Variants in RAD23B observed in about 807,000 individuals in gnomAD.
RAD23B encodes the protein RAD23 nucleotide excision repair protein B, also known as lysine-specific demethylase RAD23B.
Under a neutral mutation model 49.1 loss-of-function variants are expected in RAD23B, and 5 were observed. The ratio of observed to expected loss-of-function variants is 0.10; its 90% CI spans 0.05 to 0.21. RAD23B has a LOEUF of 0.21. Among genes scored for constraint, RAD23B ranks in the 10% least tolerant of loss-of-function variants. RAD23B has a pLI of 1.00. For synonymous variants in RAD23B, 184 were observed against 165.4 expected, an observed-to-expected ratio of 1.11 and a Z score of -0.86; for missense variants, 356 against 486.7, an observed-to-expected ratio of 0.73 and a Z score of 2.53.
chr9:107,322,673 C>A (rs1050925545), intron 7 of RAD23B, among the ~76,000 whole-genome samples: 1 of 152,204 alleles, frequency 6.6e-6, no homozygotes, highest in South Asian at 2.1e-4. Context: ...TTAGGAATTA[C>A]GCAGTGTTCT....
chr9:107,324,743 C>G (rs1224782286), intron 8 of RAD23B, 91 bp from the exon 9 acceptor site: 1 of 1,287,334 alleles, frequency 7.8e-7, no homozygotes, highest in African/African-American at 1.5e-5. Context: ...AAAAGTGTAG[C>G]CTTTTCTCTT....
intron 3 of RAD23B, among the ~76,000 whole-genome samples, chr9:107,304,403 C>T (rs1488005844): frequency 6.6e-6 from 1 of 152,166 alleles, no homozygotes; most frequent in Non-Finnish European, 1.5e-5. Flanking sequence ...TCCAGAATAA[C>T]TGAAGATCCA....
intron 1 of RAD23B, among the ~76,000 whole-genome samples, chr9:107,296,597 C>A (rs1187283572): frequency 6.6e-6 from 1 of 151,716 alleles, no homozygotes; most frequent in African/African-American, 2.4e-5. Flanking sequence ...GAGACAGTCT[C>A]ATTCTGTCAC....
chr9:107,315,179 GT>G (rs1022855081), intron 5 of RAD23B, among the ~76,000 whole-genome samples: 3 of 152,018 alleles, frequency 2.0e-5, no homozygotes, highest in African/African-American at 7.2e-5. Context: ...GTCTAGTTTC[GT>G]TCTTCTAAAT....
At chr9:107,313,832 C>T (rs1158317782) in intron 5 of RAD23B, among the ~76,000 whole-genome samples, 1 of 152,102 alleles carries the variant, frequency 6.6e-6, no homozygotes, top group Non-Finnish European at 1.5e-5. Context: ...CCACCCTCTG[C>T]CTCTTTTGGC....
intron 5 of RAD23B, among the ~76,000 whole-genome samples, chr9:107,312,181 G>A (rs1404678800): frequency 6.6e-6 from 1 of 152,162 alleles, no homozygotes; most frequent in African/African-American, 2.4e-5. Flanking sequence ...CAGCAAAAAT[G>A]CCTTTTTATC....
At chr9:107,319,651 G>A (rs1003563070) in intron 6 of RAD23B, among the ~76,000 whole-genome samples, 1 of 152,124 alleles carries the variant, frequency 6.6e-6, no homozygotes, top group Non-Finnish European at 1.5e-5. Context: ...TGTTACCAAC[G>A]TAACATCATG....
intron 1 of RAD23B, chr9:107,284,307 G>T (rs1833228099): frequency 2.6e-6 from 2 of 779,714 alleles, no homozygotes; most frequent in Admixed American, 1.3e-4. Context: ...TGCGTAGATT[G>T]CACTTTGAGG....
chr9:107,305,553 G>A (rs1826744693), intron 3 of RAD23B, among the ~76,000 whole-genome samples: 2 of 152,088 alleles, frequency 1.3e-5, no homozygotes, highest in African/African-American at 4.8e-5. Flanking sequence ...TGTTGTTCAA[G>A]GGTCAACTAA....
intron 7 of RAD23B, 70 bp from the exon 8 acceptor site, chr9:107,323,820 A>G (rs1436135804): frequency 1.5e-6 from 2 of 1,377,278 alleles, no homozygotes; most frequent in Non-Finnish European, 2.1e-6. Context: ...TGCTGTCTAA[A>G]TGTATTATTT....
chr9:107,308,657 C>T (rs181462099), intron 4 of RAD23B, among the ~76,000 whole-genome samples: 1 of 152,342 alleles, frequency 6.6e-6, no homozygotes, highest in East Asian at 1.9e-4. Context: ...TCCAGGAAAG[C>T]AGACACTAGA....
chr9:107,300,252 C>T (rs1234088836), intron 2 of RAD23B, 30 bp downstream of exon 2: 1 of 1,579,538 alleles, frequency 6.3e-7, no homozygotes, highest in Non-Finnish European at 8.6e-7. Flanking sequence ...ATTAACATGC[C>T]ATGTCTTGAT....
intron 1 of RAD23B, among the ~76,000 whole-genome samples, chr9:107,285,935 C>G (rs905981528): frequency 1.3e-5 from 2 of 152,064 alleles, no homozygotes; most frequent in African/African-American, 4.8e-5. Flanking sequence ...TGATACGACA[C>G]CTTAGAATTC....
rs916025028 is a variant in RAD23B, at chr9:107,283,437, C to T, written c.-193C>T. ...GCGGGGAAGGCCGCAGTCGCGGAGGCAGCGGCGCGGTCCGGGGCACGGGCT... is the reference window on the plus strand; with the variant it reads ...GCGGGGAAGGCCGCAGTCGCGGAGGTAGCGGCGCGGTCCGGGGCACGGGCT... On this transcript the variant is annotated 5_prime_UTR_variant, in exon 1 of 10. Transcript: ENST00000358015. The T allele has an allele frequency of 6.8e-6, 3 of 439,610 alleles. No homozygotes were observed. Among genetic ancestry groups the T allele is most frequent in the African/African-American group, 4.1e-5 (2 of 48,842 alleles). The allele number at this position is 439,610 out of a possible 1,614,324, so 27.2% of individuals were successfully genotyped here.
chr9:107,292,811 A>C (rs889532795), intron 1 of RAD23B, among the ~76,000 whole-genome samples: 1 of 152,140 alleles, frequency 6.6e-6, no homozygotes, highest in African/African-American at 2.4e-5. Flanking sequence ...CTGTATGTTT[A>C]ACCTTTTTAT....
intron 5 of RAD23B, among the ~76,000 whole-genome samples, chr9:107,316,173 C>T (rs1382062375): frequency 6.6e-6 from 1 of 152,014 alleles, no homozygotes; most frequent in Non-Finnish European, 1.5e-5. Context: ...CCATGCCCAG[C>T]TAATTTTTTT....
At chr9:107,298,182 G>A (rs1826571904) in intron 1 of RAD23B, among the ~76,000 whole-genome samples, 1 of 152,196 alleles carries the variant, frequency 6.6e-6, no homozygotes, top group Non-Finnish European at 1.5e-5. Context: ...TCTGCCATCA[G>A]TTGGTTGACT....
chr9:107,327,923 C>T lies in RAD23B; in HGVS notation c.1117-1620C>T, dbSNP rs80201228. Among the ~76,000 whole-genome samples, 11 of 152,176 alleles carry T rather than the reference C, an allele frequency of 7.2e-5. No homozygotes were observed. In the East Asian group the frequency reaches 2.1e-3, roughly 29 times the overall value. On this transcript the variant is annotated intron_variant, in intron 9 of 9. Coordinates refer to ENST00000358015, the MANE Select transcript of RAD23B (RefSeq NM_002874.5). Reference sequence around the variant, plus strand: ...TATAATTGTTGTGTCTTCCTGAACCCTTTTTATCATAAAATGCCTTTTGTC... The same window carrying T: ...TATAATTGTTGTGTCTTCCTGAACCTTTTTTATCATAAAATGCCTTTTGTC...
At chr9:107,329,452 T>C (rs1313635756) in intron 9 of RAD23B, 91 bp from the exon 10 acceptor site, 2 of 778,968 alleles carry the variant, frequency 2.6e-6, no homozygotes, top group East Asian at 2.7e-5. Flanking sequence ...GATTTATCTT[T>C]AGTGCTATGC....
Sources: allele counts gnomAD v4.1 joint callset (sites outside exome capture counted in the v4.1 genomes callset), GRCh38; gene constraint gnomAD v4.1.1; transcripts MANE v1.5; gene names NCBI Gene and HGNC (gene_info 2026-07-23, HGNC 2026-07-21).